CATSPERG: variants seen among roughly 807,000 people sequenced by gnomAD.
The protein encoded by CATSPERG is catsper channel auxiliary subunit gamma, also known as cation channel sperm-associated auxiliary subunit gamma.
CATSPERG carries 115 observed loss-of-function variants against 145.0 expected under a neutral mutation model. That is an observed-to-expected ratio of 0.79 (90% CI 0.68 to 0.93). The LOEUF is 0.93. Ranked by LOEUF, CATSPERG falls within the 40% of genes least tolerant of loss-of-function variation. The pLI is 0.00. For missense variants in CATSPERG, 1,296 were observed against 1,490.1 expected, an observed-to-expected ratio of 0.87 and a Z score of 2.14; for synonymous variants, 588 against 589.0, an observed-to-expected ratio of 1.00 and a Z score of 0.02.
chr19:38,360,595 C>T lies in CATSPERG; in HGVS notation c.1715C>T (p.Ala572Val), dbSNP rs913036754. The T allele has an allele frequency of 1.2e-6, 2 of 1,614,112 alleles. No individual in the cohort carries two copies. The highest frequency in any genetic ancestry group is 1.7e-6 in the Non-Finnish European group (2 of 1,180,036). Residue 572 changes from alanine (A) to valine (V), a missense_variant, in exon 15 of 29, where the codon GCA becomes GTA. By Grantham distance (64) the Ala-to-Val change is moderately conservative. Transcript: ENST00000409235. ...CTGATGCAACAGTCCTCTCTCTACGCATCCAATGAGACCATGCTGACCCTC... is the reference window on the plus strand; with the variant it reads ...CTGATGCAACAGTCCTCTCTCTACGTATCCAATGAGACCATGCTGACCCTC... ...LKLMQQSSLY[A>V]SNETMLTLFY...
In CATSPERG at chr19:38,343,665, A is replaced by G. The variant is rs950267806; in HGVS notation, c.410A>G (p.Tyr137Cys). 1.2e-5 allele frequency: 19 copies of G among 1,550,356 alleles called. No individual in the cohort carries two copies. Among genetic ancestry groups the G allele is most frequent in the Admixed American group, 3.9e-5 (2 of 50,950 alleles). Residue 137 changes from tyrosine (Y) to cysteine (C), a missense_variant, in exon 4 of 29, where the codon TAC becomes TGC. Transcript: ENST00000409235. ...LVTFQSPVNFYRWKIEQLQIQ... is the reference protein window; with the variant it reads ...LVTFQSPVNFCRWKIEQLQIQ... ...ACCTTCCAGTCCCCAGTCAACTTCT[A>G]CCGCTGGAAGATAGAGCAGCTGCAG... is the stretch of plus-strand genomic sequence containing the variant.
chr19:38,356,414 C>T lies in CATSPERG; in HGVS notation c.1136-70C>T, dbSNP rs555524489. ...GGCTGGTGGGCATAAGGAGGGCAAT[C>T]GGAGTTGGCTTGATGGGCTGCCAGA... On this transcript the variant is annotated intron_variant, in intron 9 of 28. Transcript: ENST00000409235. The T allele has an allele frequency of 9.9e-5, 142 of 1,438,138 alleles. No homozygotes were observed. The East Asian group carries it at 1.8e-3, about 19-fold the overall frequency. The allele number at this position is 1,438,138 out of a possible 1,614,324, so 89.1% of individuals were successfully genotyped here. A position where few individuals can be genotyped will look rare whatever the true frequency, so the allele number is the denominator to read the frequency against.
chr19:38,361,587 G>A, intron 16 of CATSPERG, 61 bp from the exon 17 acceptor site: 1 of 1,377,522 alleles, frequency 7.3e-7, no homozygotes, highest in East Asian at 2.3e-5. Context: ...GAGGCCTGCG[G>A]AAGCTTCCAG....
intron 20 of CATSPERG, 39 bp downstream of exon 20, chr19:38,362,871 GTTTTTTTTTTTTTT>G (rs553363428): frequency 7.9e-5 from 36 of 453,746 alleles, no homozygotes; most frequent in Non-Finnish European, 1.2e-4. Context: ...GGGAGGTTTT[GTTTTTTTTTTTTTT>G]TTTTTTTTTT....
chr19:38,361,784 TTCCACAACGAGAAC>T lies in CATSPERG; in HGVS notation c.2020_2033del (p.His674AlafsTer87). 1 of 1,613,170 alleles carries T rather than the reference TTCCACAACGAGAAC, an allele frequency of 6.2e-7. No homozygotes were observed. Among genetic ancestry groups the T allele is most frequent in the Non-Finnish European group, 8.5e-7 (1 of 1,179,664 alleles). On this transcript the variant is annotated frameshift_variant, in exon 17 of 29. Coordinates refer to ENST00000409235, the MANE Select transcript of CATSPERG (RefSeq NM_021185.5). LOFTEE classifies it high-confidence loss of function. The stretch of plus-strand genomic sequence containing the variant: ...GCCGCGCGTCCTGGAGCGCTCGGGC[TTCCACAACGAGAAC>T]TCGCTCGCCATCTACCAGGGCCTGG...
At chr19:38,359,415 AT>A (rs923489877) in intron 13 of CATSPERG, 54 bp from the exon 14 acceptor site, 1 of 1,152,920 alleles carries the variant, frequency 8.7e-7, no homozygotes, top group African/African-American at 1.5e-5. Flanking sequence ...TAGGCCTGGG[AT>A]TGGGGGAAGC....
At chr19:38,337,729 A>AT (rs1568369849) in intron 3 of CATSPERG, 83 bp downstream of exon 3, 3 of 1,298,030 alleles carry the variant, frequency 2.3e-6, no homozygotes, top group East Asian at 2.6e-5. Flanking sequence ...TATTTATTTT[A>AT]TTTTTTTGAG....
intron 6 of CATSPERG, among the ~76,000 whole-genome samples, chr19:38,344,976 G>A (rs1269902315): frequency 6.5e-5 from 9 of 138,448 alleles, no homozygotes; most frequent in Non-Finnish European, 1.4e-4. Flanking sequence ...GTGCAATCAT[G>A]GCTCACTGCA....
chr19:38,361,804 C>T lies in CATSPERG; in HGVS notation c.2037C>T (p.Leu679=), dbSNP rs151199546. 25 of 1,612,876 alleles carry T rather than the reference C, an allele frequency of 1.6e-5. No homozygotes were observed. Among genetic ancestry groups the T allele is most frequent in the African/African-American group, 2.7e-5 (2 of 74,892 alleles). ...ERSGFHNENS[L]AIYQGLVYYL... is the part of the protein sequence containing the mutation. ...CGGGCTTCCACAACGAGAACTCGCT[C>T]GCCATCTACCAGGGCCTGGTCTACT... The change falls in exon 17 of 29, where the codon CTC becomes CTT. Residue 679 remains leucine, a synonymous_variant. Coordinates refer to ENST00000409235, the MANE Select transcript of CATSPERG (RefSeq NM_021185.5).
chr19:38,337,143 G>T (rs1331896801), intron 1 of CATSPERG, 78 bp from the exon 2 acceptor site: 9 of 1,494,708 alleles, frequency 6.0e-6, no homozygotes, highest in South Asian at 1.3e-5. Context: ...TGTGAGAGGC[G>T]CAGAAGCGAG....
rs1343646666 is a variant in CATSPERG at position 38,367,770 on chromosome 19, T to C, written c.2924T>C (p.Leu975Pro). Reference sequence around the variant, plus strand: ...GAAATCTACCGCTTCAACAGCCCCCTGGACAAGTAATCCCCGTGGGGTCCC... The same window carrying C: ...GAAATCTACCGCTTCAACAGCCCCCCGGACAAGTAATCCCCGTGGGGTCCC... ...EDEIYRFNSP[L>P]DKTNSLIWTT... is the part of the protein sequence containing the mutation. Residue 975 changes from leucine to proline, a missense_variant, in exon 25 of 29, where the codon CTG (leucine) becomes CCG (proline). By Grantham distance (98) the Leu-to-Pro change is moderately conservative (BLOSUM62 -3). Transcript: ENST00000409235. 6.2e-7 allele frequency: 1 copy of C among 1,613,956 alleles called. No homozygotes were observed. The highest frequency in any genetic ancestry group is 8.5e-7 in the Non-Finnish European group (1 of 1,179,824).
intron 3 of CATSPERG, among the ~76,000 whole-genome samples, chr19:38,343,281 T>C (rs1969968525): frequency 1.3e-5 from 2 of 152,132 alleles, no homozygotes; most frequent in Non-Finnish European, 2.9e-5. Context: ...GTTCATCCCA[T>C]GCTGCCCTTC....
intron 9 of CATSPERG, 35 bp from the exon 10 acceptor site, chr19:38,356,449 G>A: frequency 1.2e-6 from 2 of 1,609,176 alleles, no homozygotes; most frequent in Non-Finnish European, 1.7e-6. Flanking sequence ...ACAGGAGGGA[G>A]AGGGCCTGAA....
At chr19:38,354,657 A>C in intron 8 of CATSPERG, 53 bp from the exon 9 acceptor site, 1 of 1,591,138 alleles carries the variant, frequency 6.3e-7, no homozygotes, top group East Asian at 2.2e-5. Context: ...GGCAGGGGGC[A>C]GAGGCCCCAG....
Position 38,337,655 on chromosome 19 carries a change from G to A in CATSPERG, c.324+9G>A. 1 of 1,551,008 alleles carries A rather than the reference G, an allele frequency of 6.4e-7. No homozygotes were observed. The highest frequency in any genetic ancestry group is 8.7e-7 in the Non-Finnish European group (1 of 1,146,354). On this transcript the variant is annotated intron_variant, in intron 3 of 28. Transcript: ENST00000409235. ...ACTCCTGCGAGGAAAAGGTGAGTGG[G>A]TGCAGCACGGATAGGCTCATTCTAT...
intron 3 of CATSPERG, among the ~76,000 whole-genome samples, chr19:38,340,109 C>T (rs1969912371): frequency 6.6e-6 from 1 of 152,062 alleles, no homozygotes; most frequent in South Asian, 2.1e-4. Context: ...CTGCCTTGGC[C>T]TCCCAAAGTG....
chr19:38,360,521 C>T lies in CATSPERG; in HGVS notation c.1641C>T (p.Val547=), dbSNP rs957276895. The stretch of plus-strand genomic sequence containing the variant: ...ACCTCCTGGAGGGCAGCTACCGGGT[C>T]TACCAGCTGTTCCCTTCCAAGGGCT... ...IWYLLEGSYR[V]YQLFPSKGWQ... The change falls in exon 15 of 29, where the codon GTC becomes GTT. Residue 547 remains valine, a synonymous_variant. Coordinates refer to ENST00000409235, the MANE Select transcript of CATSPERG (RefSeq NM_021185.5). 4 of 1,614,170 alleles carry T rather than the reference C, an allele frequency of 2.5e-6. No individual in the cohort carries two copies. The East Asian group carries it at 8.9e-5, about 36-fold the overall frequency.
chr19:38,358,559 G>A lies in CATSPERG; in HGVS notation c.1494G>A (p.Gln498=). 6.2e-7 allele frequency: 1 copy of A among 1,614,186 alleles called. No homozygotes were observed. Among genetic ancestry groups the A allele is most frequent in the South Asian group, 1.1e-5 (1 of 91,082 alleles). ...TCATCTGGGGCAACTTCCTCCTGCAGAGGTGGGCCTCTACCACCCCTGGGT... is the reference window on the plus strand; with the variant it reads ...TCATCTGGGGCAACTTCCTCCTGCAAAGGTGGGCCTCTACCACCCCTGGGT... ...LIFIWGNFLL[Q]SSNKENFIYL... is the part of the protein sequence containing the mutation. Residue 498 remains glutamine, a splice_region_variant and synonymous_variant, in exon 13 of 29, where the codon CAG becomes CAA. Coordinates refer to ENST00000409235, the MANE Select transcript of CATSPERG (RefSeq NM_021185.5).
chr19:38,363,676 A>T (rs1970393492), intron 20 of CATSPERG, among the ~76,000 whole-genome samples: 1 of 151,718 alleles, frequency 6.6e-6, no homozygotes, highest in East Asian at 1.9e-4. Flanking sequence ...CTTAACGAGC[A>T]TGCTGCCTTC....
Sources: gnomAD v4.1 joint callset for allele counts (sites outside exome capture counted in the v4.1 genomes callset) on GRCh38, gnomAD v4.1.1 for gene constraint, MANE v1.5 for transcripts, NCBI Gene and HGNC (gene_info 2026-07-23, HGNC 2026-07-21) for gene names.